Variants in SLC13A3 observed in about 807,000 individuals in gnomAD.
The protein encoded by SLC13A3 is Na(+)/dicarboxylate cotransporter 3.
Under a neutral mutation model 59.0 loss-of-function variants are expected in SLC13A3, and 40 were observed. The ratio of observed to expected loss-of-function variants is 0.68; its 90% CI spans 0.53 to 0.88. The LOEUF (loss-of-function observed/expected upper bound fraction) is 0.88. Ranked by LOEUF, SLC13A3 falls within the 40% of genes least tolerant of loss-of-function variation. SLC13A3 has a pLI of 0.00. For synonymous variants in SLC13A3, 317 were observed against 330.3 expected (o/e 0.96, Z 0.44); for missense variants, 699 against 783.2 (o/e 0.89, Z 1.28).
chr20:46,679,449 C>T (rs1244296749), intron 1 of SLC13A3, among the ~76,000 whole-genome samples: 1 of 152,082 alleles, frequency 6.6e-6, no homozygotes, highest in African/African-American at 2.4e-5. Flanking sequence ...CCCGTCTCTA[C>T]TAAAAAATAC....
intron 10 of SLC13A3, among the ~76,000 whole-genome samples, chr20:46,566,742 A>G (rs1423426168): frequency 6.6e-6 from 1 of 151,984 alleles, no homozygotes; most frequent in Non-Finnish European, 1.5e-5. Context: ...TCATCCCTCC[A>G]GTGAAGGTTA....
intron 1 of SLC13A3, among the ~76,000 whole-genome samples, chr20:46,664,451 C>A (rs904727475): frequency 6.6e-5 from 10 of 152,120 alleles, no homozygotes; most frequent in Admixed American, 3.3e-4. Flanking sequence ...TGCTCATTAG[C>A]AAACTTGGGA....
At chr20:46,655,284 C>A (rs973364586), upstream of SLC13A3, among the ~76,000 whole-genome samples, 1 of 150,336 alleles carries the variant, frequency 6.7e-6, no homozygotes, top group African/African-American at 2.4e-5. Flanking sequence ...CACATATATA[C>A]ACATATATAC....
chr20:46,583,473 A>C, intron 9 of SLC13A3, 99 bp downstream of exon 9: 1 of 1,529,594 alleles, frequency 6.5e-7, no homozygotes, highest in Non-Finnish European at 8.7e-7. Context: ...AGGAAGGACC[A>C]CGTGGTTAGT....
intron 1 of SLC13A3, among the ~76,000 whole-genome samples, chr20:46,636,702 T>A (rs1213755017): frequency 1.3e-5 from 2 of 152,178 alleles, no homozygotes; most frequent in African/African-American, 2.4e-5. Context: ...GCAGGGAAGT[T>A]CTTGGCCAAT....
chr20:46,606,016 T>C (rs2062434495), intron 3 of SLC13A3, among the ~76,000 whole-genome samples: 1 of 152,252 alleles, frequency 6.6e-6, no homozygotes, highest in Admixed American at 6.5e-5. Context: ...TTCAATGGTC[T>C]ATTTGTGTAT....
rs1337149824 is a variant in SLC13A3, at chr20:46,560,209, G to T, written c.1633-11C>A. 1 of 1,613,782 alleles carries T rather than the reference G, an allele frequency of 6.2e-7. No homozygotes were observed. Among genetic ancestry groups the T allele is most frequent in the African/African-American group, 1.3e-5 (1 of 75,012 alleles). On this transcript the variant is annotated splice_polypyrimidine_tract_variant and intron_variant, in intron 12 of 12. Coordinates refer to ENST00000279027, the MANE Select transcript of SLC13A3 (RefSeq NM_022829.6). ...GAGGCCTGTCCGCACCTGAAATAGA[G>T]CCCAGACAGAGGGAGGGGTCAGCAC...
intron 1 of SLC13A3, among the ~76,000 whole-genome samples, chr20:46,615,801 A>G (rs1437935343): frequency 6.6e-6 from 1 of 152,226 alleles, no homozygotes. Flanking sequence ...CAGTGCTCAC[A>G]TTCATTCATG....
At chr20:46,621,361 G>A (rs901915272) in intron 1 of SLC13A3, among the ~76,000 whole-genome samples, 3 of 152,086 alleles carry the variant, frequency 2.0e-5, no homozygotes, top group African/African-American at 7.2e-5. Context: ...TCTTTAAAGA[G>A]CACCCATTTT....
intron 1 of SLC13A3, chr20:46,681,545 A>G (rs1452700108): frequency 6.6e-6 from 1 of 152,236 alleles, no homozygotes; most frequent in Admixed American, 6.5e-5. Flanking sequence ...CTGGTGGCAG[A>G]AAAGTGCACA....
At chr20:46,644,455 A>G (rs981659760) in intron 1 of SLC13A3, among the ~76,000 whole-genome samples, 6 of 152,140 alleles carry the variant, frequency 3.9e-5, no homozygotes, top group African/African-American at 4.8e-5. Context: ...TTCCAAATCA[A>G]TTTCAAAGAT....
chr20:46,644,788 A>G (rs918904021), intron 1 of SLC13A3, among the ~76,000 whole-genome samples: 3 of 152,172 alleles, frequency 2.0e-5, no homozygotes, highest in African/African-American at 4.8e-5. Context: ...CATGGGGCCC[A>G]CATGATGGGA....
intron 12 of SLC13A3, among the ~76,000 whole-genome samples, chr20:46,562,321 C>A (rs1300186106): frequency 6.6e-6 from 1 of 152,184 alleles, no homozygotes; most frequent in Admixed American, 6.5e-5. Context: ...GCAGCCACCC[C>A]AGCCTCCTGG....
chr20:46,676,346 G>A (rs886794575), intron 1 of SLC13A3, among the ~76,000 whole-genome samples: 15 of 148,030 alleles, frequency 1.0e-4, no homozygotes, highest in Non-Finnish European at 1.9e-4. Flanking sequence ...TCCATCCCCC[G>A]AGAAGTCCCC....
chr20:46,578,914 ATC>A (rs2062106538), intron 9 of SLC13A3, among the ~76,000 whole-genome samples: 1 of 151,978 alleles, frequency 6.6e-6, no homozygotes, highest in Non-Finnish European at 1.5e-5. Flanking sequence ...CGTCATCATC[ATC>A]ATCATCATCA....
intron 3 of SLC13A3, among the ~76,000 whole-genome samples, chr20:46,601,005 A>C (rs2062374995): frequency 6.6e-6 from 1 of 152,120 alleles, no homozygotes; most frequent in South Asian, 2.1e-4. Flanking sequence ...AAAAGGGTGC[A>C]AGGAAACAGG....
At chr20:46,617,300 T>C (rs847099) in intron 1 of SLC13A3, among the ~76,000 whole-genome samples, 2,157 of 152,250 alleles carry the variant, frequency 0.014, 47 homozygotes, top group African/African-American at 0.049. Flanking sequence ...GACTAAGACA[T>C]AGCCTAAATT....
chr20:46,609,645 G>A (rs6094394), intron 3 of SLC13A3, among the ~76,000 whole-genome samples: 1,659 of 152,162 alleles, frequency 0.011, 34 homozygotes, highest in African/African-American at 0.038. Flanking sequence ...ATCTCATTCT[G>A]GTTTTTACCT....
chr20:46,588,551 C>A (rs932872960), intron 7 of SLC13A3, among the ~76,000 whole-genome samples: 7 of 152,048 alleles, frequency 4.6e-5, no homozygotes, highest in African/African-American at 4.8e-5. Context: ...GAAAGAGGAG[C>A]ATTCATACAG....
Sources: gnomAD v4.1 joint callset for allele counts (sites outside exome capture counted in the v4.1 genomes callset) on GRCh38, gnomAD v4.1.1 for gene constraint, MANE v1.5 for transcripts, NCBI Gene and HGNC (gene_info 2026-07-23, HGNC 2026-07-21) for gene names.